The following ANKRD13C variants were observed in gnomAD, a reference collection of about 807,000 sequenced individuals.
The protein encoded by ANKRD13C is ankyrin repeat domain-containing protein 13C.
A neutral mutation model predicts 65.5 loss-of-function variants in ANKRD13C; 16 were observed. The observed-to-expected ratio is 0.24, with a 90% CI of 0.17 to 0.37. The LOEUF (loss-of-function observed/expected upper bound fraction) is 0.37, where lower values mean the gene tolerates loss of function less well. ANKRD13C is among the 10% of genes least tolerant of loss of function. The pLI is 1.00. For synonymous variants in ANKRD13C, 235 were observed against 238.7 expected (o/e 0.98, Z 0.14); for missense variants, 503 against 655.9 (o/e 0.77, Z 2.55).
At chr1:70,342,915 G>A (rs1379813970) in intron 1 of ANKRD13C, among the ~76,000 whole-genome samples, 1 of 152,166 alleles carries the variant, frequency 6.6e-6, no homozygotes, top group Non-Finnish European at 1.5e-5. Flanking sequence ...TTAAATTTAA[G>A]TTAAGGAGAG....
At chr1:70,344,581 T>C (rs1336962643) in intron 1 of ANKRD13C, among the ~76,000 whole-genome samples, 1 of 152,158 alleles carries the variant, frequency 6.6e-6, no homozygotes, top group Non-Finnish European at 1.5e-5. Flanking sequence ...TTTAATTTGC[T>C]CAATAATCCT....
chr1:70,316,704 T>A (rs1681087776), intron 3 of ANKRD13C, among the ~76,000 whole-genome samples: 11 of 151,892 alleles, frequency 7.2e-5, no homozygotes, highest in Admixed American at 7.2e-4. Flanking sequence ...AAATACAATT[T>A]TTATCTATTA....
intron 1 of ANKRD13C, among the ~76,000 whole-genome samples, chr1:70,351,047 G>A (rs2101645249): frequency 6.6e-6 from 1 of 152,300 alleles, no homozygotes; most frequent in African/African-American, 2.4e-5. Flanking sequence ...TGTGGTCCCA[G>A]CTACTCAGGA....
chr1:70,336,131 GA>G, intron 1 of ANKRD13C, 32 bp from the exon 2 acceptor site: 1 of 618,560 alleles, frequency 1.6e-6, no homozygotes, highest in Non-Finnish European at 2.3e-6. Flanking sequence ...AAATAAATTA[GA>G]AGGTGTAAAA....
chr1:70,310,911 T>C (rs975996237), intron 5 of ANKRD13C, among the ~76,000 whole-genome samples: 2 of 152,180 alleles, frequency 1.3e-5, no homozygotes, highest in Non-Finnish European at 2.9e-5. Flanking sequence ...TGTTTTTCTA[T>C]GTGTTCTAGG....
chr1:70,316,520 T>TAAA (rs368495292), intron 3 of ANKRD13C, among the ~76,000 whole-genome samples: 1 of 137,640 alleles, frequency 7.3e-6, no homozygotes, highest in Non-Finnish European at 1.6e-5. Context: ...CCATCTCTAT[T>TAAA]AAAAAAAAAA....
intron 9 of ANKRD13C, among the ~76,000 whole-genome samples, chr1:70,288,052 G>A (rs930239973): frequency 6.6e-6 from 1 of 151,730 alleles, no homozygotes; most frequent in Non-Finnish European, 1.5e-5. Flanking sequence ...CAACAGTAAT[G>A]AAAAAAAGAA....
intron 9 of ANKRD13C, among the ~76,000 whole-genome samples, chr1:70,290,430 A>C (rs1272847563): frequency 6.6e-6 from 1 of 152,174 alleles, no homozygotes; most frequent in Non-Finnish European, 1.5e-5. Flanking sequence ...TTATATTACA[A>C]TCCGGCACTC....
chr1:70,325,070 T>C, intron 2 of ANKRD13C, 113 bp from the exon 3 acceptor site: 1 of 690,082 alleles, frequency 1.4e-6, no homozygotes, highest in South Asian at 2.9e-5. Context: ...AAATAAACAT[T>C]GTACCATGTA....
chr1:70,321,122 T>G (rs1681289242), intron 3 of ANKRD13C, among the ~76,000 whole-genome samples: 1 of 152,232 alleles, frequency 6.6e-6, no homozygotes, highest in Admixed American at 6.5e-5. Flanking sequence ...TAGTTTTTAT[T>G]CATCTCTTCA....
intron 1 of ANKRD13C, among the ~76,000 whole-genome samples, chr1:70,353,383 A>G (rs1466603788): frequency 1.3e-5 from 2 of 152,184 alleles, no homozygotes; most frequent in African/African-American, 4.8e-5. Context: ...CTCTACTCAA[A>G]CAAAAATCGG....
chr1:70,336,120 T>TA (rs1682013595), intron 1 of ANKRD13C, 21 bp from the exon 2 acceptor site: 1 of 673,354 alleles, frequency 1.5e-6, no homozygotes, highest in Non-Finnish European at 2.1e-6. Context: ...TAAAATAAAA[T>TA]AAATAAATTA....
rs1344124041 is a variant in ANKRD13C, at chr1:70,294,764, T to G, written c.1053+1366A>C. Among the ~76,000 whole-genome samples, 3 of 152,130 alleles carry G rather than the reference T, an allele frequency of 2.0e-5. No homozygotes were observed. The East Asian group carries it at 5.8e-4, about 29-fold the overall frequency. On this transcript the variant is annotated intron_variant, in intron 8 of 12. Transcript: ENST00000370944. ...CCTCATCCTTCCAAGCACCTGCGAC[T>G]ATAGGCTTGTGCCACCTCAGCCATC...
intron 1 of ANKRD13C, among the ~76,000 whole-genome samples, chr1:70,337,964 T>C (rs946335364): frequency 5.9e-5 from 9 of 152,016 alleles, no homozygotes; most frequent in Non-Finnish European, 1.2e-4. Flanking sequence ...CCAGGGGTGG[T>C]GGCGCATGCC....
intron 6 of ANKRD13C, among the ~76,000 whole-genome samples, chr1:70,302,330 G>C (rs1572090050): frequency 6.6e-6 from 1 of 152,110 alleles, no homozygotes; most frequent in East Asian, 1.9e-4. Flanking sequence ...GGGGCTGCCT[G>C]TTGCTTTATA....
intron 12 of ANKRD13C, among the ~76,000 whole-genome samples, chr1:70,270,551 G>A (rs957912471): frequency 2.0e-5 from 3 of 152,138 alleles, no homozygotes; most frequent in African/African-American, 7.2e-5. Context: ...TTCCATCTCA[G>A]ATCAGGCATT....
intron 3 of ANKRD13C, among the ~76,000 whole-genome samples, chr1:70,317,132 A>G (rs1193371407): frequency 1.3e-5 from 2 of 152,058 alleles, no homozygotes; most frequent in African/African-American, 4.8e-5. Flanking sequence ...AGTAGGAGCT[A>G]TTCTTATTTT....
chr1:70,265,936 G>A (rs374824311), intron 12 of ANKRD13C, among the ~76,000 whole-genome samples: 20 of 148,018 alleles, frequency 1.4e-4, no homozygotes, highest in African/African-American at 4.0e-4. Context: ...GAGGAAGGGA[G>A]GGAAGAAGGA....
intron 8 of ANKRD13C, chr1:70,293,703 G>A (rs764939612): frequency 1.5e-5 from 3 of 204,242 alleles, no homozygotes; most frequent in Non-Finnish European, 2.6e-5. Context: ...AACTGAGAAT[G>A]CTATAATGCC....
Sources: gnomAD v4.1 joint callset for allele counts (sites outside exome capture counted in the v4.1 genomes callset) on GRCh38, gnomAD v4.1.1 for gene constraint, MANE v1.5 for transcripts, NCBI Gene and HGNC (gene_info 2026-07-23, HGNC 2026-07-21) for gene names.